The following COL13A1 variants were observed in gnomAD, a reference collection of about 807,000 sequenced individuals.
COL13A1 encodes collagen alpha-1(XIII) chain.
COL13A1 carries 89 observed loss-of-function variants against 130.9 expected under a neutral mutation model. The observed-to-expected ratio is 0.68, with a 90% CI of 0.57 to 0.81. COL13A1 has a LOEUF of 0.81. Ranked by LOEUF, COL13A1 falls within the 30% of genes least tolerant of loss-of-function variation. COL13A1 has a pLI of 0.00. For synonymous variants in COL13A1, 402 were observed against 341.6 expected, an observed-to-expected ratio of 1.18 and a Z score of -1.95; for missense variants, 879 against 934.6, an observed-to-expected ratio of 0.94 and a Z score of 0.78.
At chr10:69,887,627 C>T (rs1185145125) in intron 8 of COL13A1, 136 bp downstream of exon 8, 5 of 854,186 alleles carry the variant, frequency 5.9e-6, no homozygotes, top group Non-Finnish European at 9.3e-6. Context: ...CTTCTACAGC[C>T]ATTCATGGAC....
intron 40 of COL13A1, among the ~76,000 whole-genome samples, chr10:69,957,866 G>C (rs2071083693): frequency 6.6e-6 from 1 of 152,124 alleles, no homozygotes; most frequent in Non-Finnish European, 1.5e-5. Flanking sequence ...ATTGTCTCAA[G>C]GTTCATCCTC....
At chr10:69,956,977 G>A (rs2070841815) in intron 39 of COL13A1, 27 bp from the exon 40 acceptor site, 1 of 1,610,078 alleles carries the variant, frequency 6.2e-7, no homozygotes. Flanking sequence ...GGAAGTCTGA[G>A]CCCTCTGCCT....
At chr10:69,860,677 A>AG in intron 2 of COL13A1, 1 of 185,348 alleles carries the variant, frequency 5.4e-6, no homozygotes. Context: ...CCCCCTGGGC[A>AG]GAACCTGCAG....
At chr10:69,872,700 G>T (rs890142957) in intron 4 of COL13A1, among the ~76,000 whole-genome samples, 1 of 152,104 alleles carries the variant, frequency 6.6e-6, no homozygotes. Flanking sequence ...GGGGACTCTG[G>T]GACAAAAAAT....
At chr10:69,863,704 C>T (rs993897663) in intron 2 of COL13A1, among the ~76,000 whole-genome samples, 9 of 151,972 alleles carry the variant, frequency 5.9e-5, no homozygotes, top group African/African-American at 2.2e-4. Flanking sequence ...TTCATGACCT[C>T]CAGCCAGGAG....
intron 1 of COL13A1, among the ~76,000 whole-genome samples, chr10:69,817,565 C>A (rs141018195): frequency 6.6e-6 from 1 of 151,906 alleles, no homozygotes; most frequent in South Asian, 2.1e-4. Context: ...GATCAGTCGG[C>A]GAGGTTGTGT....
chr10:69,845,179 C>A (rs1219104497), intron 2 of COL13A1, among the ~76,000 whole-genome samples: 1 of 134,820 alleles, frequency 7.4e-6, no homozygotes, highest in Non-Finnish European at 1.6e-5. Flanking sequence ...TTCTCTTTTT[C>A]TTTTCTTTTC....
At chr10:69,805,118 T>A (rs1163664732) in intron 1 of COL13A1, among the ~76,000 whole-genome samples, 2 of 151,992 alleles carry the variant, frequency 1.3e-5, no homozygotes, top group African/African-American at 4.8e-5. Flanking sequence ...AAGTAGGAGA[T>A]GTGGCTGGAG....
chr10:69,805,183 G>A (rs1841210665), intron 1 of COL13A1, among the ~76,000 whole-genome samples: 1 of 152,194 alleles, frequency 6.6e-6, no homozygotes, highest in Non-Finnish European at 1.5e-5. Flanking sequence ...ATCTAAATAA[G>A]AGTAATGGGG....
chr10:69,865,436 T>G (rs1448627480), intron 2 of COL13A1, among the ~76,000 whole-genome samples: 1 of 152,204 alleles, frequency 6.6e-6, no homozygotes, highest in East Asian at 1.9e-4. Context: ...GCCTGTTTGA[T>G]GAAAATTGGC....
chr10:69,829,827 G>A (rs71480611), intron 2 of COL13A1, among the ~76,000 whole-genome samples: 12,375 of 152,332 alleles, frequency 0.081, 728 homozygotes, highest in Non-Finnish European at 0.12. Context: ...CCCTGGAAGA[G>A]CCTTTTCTCT....
chr10:69,929,982 C>G, intron 28 of COL13A1, 61 bp from the exon 29 acceptor site: 1 of 1,463,288 alleles, frequency 6.8e-7, no homozygotes, highest in Non-Finnish European at 9.6e-7. Flanking sequence ...CTAAGCAATG[C>G]GTAACTGATG....
At chr10:69,930,154 C>A (rs2065915971) in intron 29 of COL13A1, 67 bp downstream of exon 29, 3 of 1,528,294 alleles carry the variant, frequency 2.0e-6, no homozygotes, top group Non-Finnish European at 2.7e-6. Context: ...GGAGGTCGGG[C>A]AGGAAGGCTC....
At chr10:69,901,249 A>T (rs533440163) in intron 14 of COL13A1, among the ~76,000 whole-genome samples, 2 of 152,298 alleles carry the variant, frequency 1.3e-5, no homozygotes, top group Non-Finnish European at 1.5e-5. Flanking sequence ...TCTGCCATGG[A>T]CACCCTGAGC....
At chr10:69,845,945 C>T (rs1170525535) in intron 2 of COL13A1, among the ~76,000 whole-genome samples, 3 of 152,234 alleles carry the variant, frequency 2.0e-5, no homozygotes, top group Admixed American at 6.5e-5. Flanking sequence ...TTTTTCCCTC[C>T]ACTGGACAAG....
At chr10:69,955,069 T>TA (rs1216058604) in intron 39 of COL13A1, 1 of 152,198 alleles carries the variant, frequency 6.6e-6, no homozygotes, top group Admixed American at 6.5e-5. Context: ...TATTTTATCA[T>TA]ACCAGTAATA....
Position 69,904,976 on chromosome 10 carries a change from G to A in COL13A1, c.885+17G>A. On this transcript the variant is annotated intron_variant, in intron 16 of 40. Coordinates refer to ENST00000645393, the MANE Select transcript of COL13A1 (RefSeq NM_001368882.1). ...GGACCAAAGGTGAGTGTCCTTCTGG[G>A]TGATGTGTTGAACAGGTGGGAGAAT... 1 of 1,561,748 alleles carries A rather than the reference G, an allele frequency of 6.4e-7. No homozygotes were observed. Among genetic ancestry groups the A allele is most frequent in the Non-Finnish European group, 8.7e-7 (1 of 1,152,054 alleles).
chr10:69,839,821 G>T (rs112004371), intron 2 of COL13A1, among the ~76,000 whole-genome samples: 1 of 152,182 alleles, frequency 6.6e-6, no homozygotes, highest in African/African-American at 2.4e-5. Context: ...GGGAGGGCGC[G>T]GGCCAGTCCT....
chr10:69,813,692 G>T (rs146103753), intron 1 of COL13A1, among the ~76,000 whole-genome samples: 272 of 152,270 alleles, frequency 1.8e-3, no homozygotes, highest in African/African-American at 5.7e-3. Flanking sequence ...GTCCAGTTCT[G>T]GTGGGTGTGG....
Sources: allele counts gnomAD v4.1 joint callset (sites outside exome capture counted in the v4.1 genomes callset), GRCh38; gene constraint gnomAD v4.1.1; transcripts MANE v1.5; gene names NCBI Gene and HGNC (gene_info 2026-07-23, HGNC 2026-07-21).